NRXN1: variants seen among roughly 807,000 people sequenced by gnomAD.
NRXN1 encodes neurexin-1.
Under a neutral mutation model 150.9 loss-of-function variants are expected in NRXN1, and 39 were observed. The ratio of observed to expected loss-of-function variants is 0.26; its 90% confidence interval spans 0.20 to 0.34. The LOEUF (loss-of-function observed/expected upper bound fraction) is 0.34, where lower values mean the gene tolerates loss of function less well. NRXN1 is among the 10% of genes least tolerant of loss of function. The pLI is 1.00. For missense variants in NRXN1, 1,815 were observed against 1,949.9 expected (o/e 0.93, Z 1.30); for synonymous variants, 924 against 757.0 (o/e 1.22, Z -3.62).
At chr2:50,423,445 T>C (rs1000098949) in intron 17 of NRXN1, among the ~76,000 whole-genome samples, 1 of 152,068 alleles carries the variant, frequency 6.6e-6, no homozygotes, top group South Asian at 2.1e-4. Context: ...GTGTCCTCAA[T>C]GGGCCATCTT....
At chr2:50,953,556 ATTTT>A (rs1338336889) in intron 2 of NRXN1, among the ~76,000 whole-genome samples, 1 of 139,658 alleles carries the variant, frequency 7.2e-6, no homozygotes. Flanking sequence ...TCAAGTGACA[ATTTT>A]TTTTTTTTTT....
At chr2:50,157,313 C>T (rs973262476) in intron 18 of NRXN1, among the ~76,000 whole-genome samples, 27 of 151,916 alleles carry the variant, frequency 1.8e-4, no homozygotes, top group African/African-American at 6.0e-4. Context: ...TAACTTTAAG[C>T]GTTTTCACCA....
intron 5 of NRXN1, among the ~76,000 whole-genome samples, chr2:50,732,475 T>G (rs556472275): frequency 3.9e-5 from 6 of 152,328 alleles, no homozygotes; most frequent in Admixed American, 3.9e-4. Context: ...ATGCGGTCTG[T>G]ACTTTTCACT....
At chr2:50,353,757 C>T (rs1288491855) in intron 17 of NRXN1, among the ~76,000 whole-genome samples, 1 of 152,062 alleles carries the variant, frequency 6.6e-6, no homozygotes, top group African/African-American at 2.4e-5. Flanking sequence ...AAAGTCTTCC[C>T]ACTCAGTCTA....
chr2:49,934,072 C>T (rs748224330), intron 22 of NRXN1, among the ~76,000 whole-genome samples: 11 of 151,968 alleles, frequency 7.2e-5, no homozygotes, highest in Non-Finnish European at 1.0e-4. Context: ...CTCTCTGGCT[C>T]CTATGGTTGG....
intron 5 of NRXN1, among the ~76,000 whole-genome samples, chr2:50,646,311 C>G (rs566684600): frequency 6.6e-6 from 1 of 152,172 alleles, no homozygotes; most frequent in South Asian, 2.1e-4. Context: ...CTTTCCTGAA[C>G]TTTTCTGCAT....
intron 8 of NRXN1, chr2:50,619,815 C>G: frequency 2.2e-6 from 1 of 444,730 alleles, no homozygotes; most frequent in Non-Finnish European, 4.1e-6. Flanking sequence ...TACTTACAGA[C>G]TAATAAAGAA....
chr2:50,273,125 T>C (rs1419533426), intron 17 of NRXN1, among the ~76,000 whole-genome samples: 2 of 152,118 alleles, frequency 1.3e-5, no homozygotes, highest in Non-Finnish European at 2.9e-5. Flanking sequence ...CATTGGCAAA[T>C]ATTGAAAAGA....
At chr2:50,027,136 G>A (rs1181785853) in intron 21 of NRXN1, among the ~76,000 whole-genome samples, 3 of 151,662 alleles carry the variant, frequency 2.0e-5, no homozygotes, top group Non-Finnish European at 4.4e-5. Flanking sequence ...CCCAACTCGG[G>A]TTCCCAAAGT....
chr2:51,017,224 G>A (rs1668818625), intron 2 of NRXN1, among the ~76,000 whole-genome samples: 1 of 151,952 alleles, frequency 6.6e-6, no homozygotes, highest in Admixed American at 6.6e-5. Context: ...TACGTGCTCT[G>A]CCCGTGTATC....
At chr2:50,255,846 C>G (rs139161087) in intron 17 of NRXN1, among the ~76,000 whole-genome samples, 2 of 152,258 alleles carry the variant, frequency 1.3e-5, no homozygotes, top group East Asian at 1.9e-4. Flanking sequence ...TTATTACTAT[C>G]ATTAACTAAT....
intron 18 of NRXN1, among the ~76,000 whole-genome samples, chr2:50,179,228 C>CGGT (rs2060544210): frequency 6.6e-6 from 1 of 152,016 alleles, no homozygotes; most frequent in Non-Finnish European, 1.5e-5. Context: ...TCCAGGGAGA[C>CGGT]GGTAGTAGAT....
At chr2:50,936,265 T>TGGGC (rs1688531451) in intron 2 of NRXN1, among the ~76,000 whole-genome samples, 1 of 152,190 alleles carries the variant, frequency 6.6e-6, no homozygotes, top group African/African-American at 2.4e-5. Context: ...AACCCTGGTA[T>TGGGC]TAGAACAACT....
At chr2:50,990,009 G>C (rs1358995994) in intron 2 of NRXN1, among the ~76,000 whole-genome samples, 1 of 151,898 alleles carries the variant, frequency 6.6e-6, no homozygotes, top group East Asian at 1.9e-4. Context: ...TAAAAAATTA[G>C]CCATTCTAAT....
chr2:50,784,732 T>C (rs1704841246), intron 5 of NRXN1, among the ~76,000 whole-genome samples: 1 of 152,010 alleles, frequency 6.6e-6, no homozygotes, highest in Admixed American at 6.6e-5. Flanking sequence ...GTTAAGATCC[T>C]AGGCAGGGAA....
chr2:50,988,884 G>A (rs1169937383), intron 2 of NRXN1, among the ~76,000 whole-genome samples: 5 of 151,830 alleles, frequency 3.3e-5, no homozygotes, highest in Non-Finnish European at 5.9e-5. Flanking sequence ...ACTCTACTAG[G>A]TGGTTGGGGA....
At chr2:50,479,475 C>A (rs1224505770) in intron 15 of NRXN1, among the ~76,000 whole-genome samples, 2 of 152,084 alleles carry the variant, frequency 1.3e-5, no homozygotes, top group African/African-American at 4.8e-5. Flanking sequence ...TTTTTCAGTT[C>A]TTTGTATGTG....
chr2:50,441,238 G>C (rs550842000), intron 17 of NRXN1, among the ~76,000 whole-genome samples: 1 of 151,994 alleles, frequency 6.6e-6, no homozygotes, highest in South Asian at 2.1e-4. Context: ...TTGTCTTAGG[G>C]GTCCCCAAAT....
intron 2 of NRXN1, among the ~76,000 whole-genome samples, chr2:50,973,964 G>T (rs1427372349): frequency 6.6e-6 from 1 of 151,672 alleles, no homozygotes; most frequent in African/African-American, 2.4e-5. Context: ...AATAAAATAT[G>T]CAGTCCTTGC....
Sources: allele counts gnomAD v4.1 joint callset (sites outside exome capture counted in the v4.1 genomes callset), GRCh38; gene constraint gnomAD v4.1.1; transcripts MANE v1.5; gene names NCBI Gene and HGNC (gene_info 2026-07-23, HGNC 2026-07-21).